RELN: variants seen among roughly 807,000 people sequenced by gnomAD.
RELN encodes the protein reelin.
Under a neutral mutation model 427.6 loss-of-function variants are expected in RELN, and 108 were observed. That is an observed-to-expected ratio of 0.25 (90% confidence interval 0.22 to 0.30). The LOEUF (loss-of-function observed/expected upper bound fraction) is 0.30, where lower values mean the gene tolerates loss of function less well. Among genes scored for constraint, RELN ranks in the 10% least tolerant of loss-of-function variants. The probability of loss-of-function intolerance (pLI) is 1.00; values close to 1 mark genes in which losing one functional copy is unlikely to be tolerated. For synonymous variants in RELN, 1,524 were observed against 1,513.4 expected (o/e 1.01, Z -0.16); for missense variants, 3,715 against 4,302.8 (o/e 0.86, Z 3.82).
chr7:103,743,056 C>T (rs1364018882), intron 6 of RELN, among the ~76,000 whole-genome samples: 1 of 149,490 alleles, frequency 6.7e-6, no homozygotes, highest in African/African-American at 2.6e-5. Context: ...AGACTAACAG[C>T]TGATCTCTCA....
intron 1 of RELN, among the ~76,000 whole-genome samples, chr7:103,959,882 G>A (rs1490906073): frequency 1.3e-5 from 2 of 152,114 alleles, no homozygotes; most frequent in Middle Eastern, 3.2e-3. Context: ...ATACAGGCAT[G>A]AGCCACTGCA....
chr7:103,916,811 A>T (rs1795491637), intron 2 of RELN, among the ~76,000 whole-genome samples: 1 of 152,138 alleles, frequency 6.6e-6, no homozygotes, highest in Admixed American at 6.6e-5. Context: ...AATTTACATG[A>T]ACCCCAGAGG....
chr7:103,895,355 C>T (rs1460534439), intron 2 of RELN, among the ~76,000 whole-genome samples: 1 of 152,028 alleles, frequency 6.6e-6, no homozygotes, highest in Non-Finnish European at 1.5e-5. Context: ...AATGGGGGCC[C>T]ATTAAAATTT....
At chr7:103,656,338 G>GAAAA (rs1562942829) in intron 12 of RELN, among the ~76,000 whole-genome samples, 2 of 152,076 alleles carry the variant, frequency 1.3e-5, no homozygotes, top group African/African-American at 4.8e-5. Flanking sequence ...AAGCAACCCA[G>GAAAA]GAAGTTGGCT....
chr7:103,653,957 A>G, intron 13 of RELN, 136 bp downstream of exon 13: 1 of 680,278 alleles, frequency 1.5e-6, no homozygotes, highest in Non-Finnish European at 2.7e-6. Flanking sequence ...TTTCACTTTT[A>G]AAGAAACCTG....
At chr7:103,741,932 A>C (rs1790672293) in intron 6 of RELN, among the ~76,000 whole-genome samples, 1 of 152,086 alleles carries the variant, frequency 6.6e-6, no homozygotes, top group Non-Finnish European at 1.5e-5. Context: ...TTCTCCCCGC[A>C]CGCAGCTTGA....
chr7:103,837,788 C>T (rs1376427960), intron 2 of RELN, among the ~76,000 whole-genome samples: 1 of 152,174 alleles, frequency 6.6e-6, no homozygotes, highest in Non-Finnish European at 1.5e-5. Flanking sequence ...TTGACCATCT[C>T]CCCAAGTTGT....
intron 11 of RELN, among the ~76,000 whole-genome samples, chr7:103,665,313 A>C (rs1417912352): frequency 6.6e-6 from 1 of 151,458 alleles, no homozygotes; most frequent in African/African-American, 2.4e-5. Context: ...TCCGTGTCCA[A>C]ACCAATTTAA....
intron 2 of RELN, among the ~76,000 whole-genome samples, chr7:103,902,006 T>C (rs559323129): frequency 6.6e-6 from 1 of 152,088 alleles, no homozygotes; most frequent in African/African-American, 2.4e-5. Context: ...TAATATATCA[T>C]GTAGCACTAA....
chr7:103,917,233 C>A (rs769517163), intron 1 of RELN, 48 bp from the exon 2 acceptor site: 1 of 1,343,410 alleles, frequency 7.4e-7, no homozygotes, highest in African/African-American at 1.4e-5. Flanking sequence ...GTCAGAATAA[C>A]ACAATATATT....
chr7:103,725,031 C>T (rs17154829), intron 7 of RELN, among the ~76,000 whole-genome samples: 30,530 of 151,970 alleles, frequency 0.2, 4,174 homozygotes, highest in African/African-American at 0.39. Context: ...AATATGGTAA[C>T]TATGAATGGC....
chr7:103,640,655 T>C lies in RELN; in HGVS notation c.2003-46A>G. The C allele has an allele frequency of 2.5e-6, 4 of 1,587,294 alleles. No homozygotes were observed. The highest frequency in any genetic ancestry group is 2.6e-6 in the Non-Finnish European group (3 of 1,158,044). ...ACATAATTACAAAAACATAGAACAC[T>C]ACCAGTACAATTTTGTGAAGTAATA... On this transcript the variant is annotated intron_variant, in intron 16 of 64. Coordinates refer to ENST00000428762, the MANE Select transcript of RELN (RefSeq NM_005045.4). The surrounding 1 kb of genome is among the most constrained non-coding windows in gnomAD (Gnocchi z 4.1).
rs181410241 is a variant in RELN, at chr7:103,637,065, A to G, written c.2070-597T>C. On this transcript the variant is annotated intron_variant, in intron 17 of 64. Coordinates refer to ENST00000428762, the MANE Select transcript of RELN (RefSeq NM_005045.4). ...CCAAATTAGTGGCACTTCAAGAAAA[A>G]CAAACCTTTCCCCACTCCCCAACAA... Among the ~76,000 whole-genome samples, 43 of 152,244 alleles carry G rather than the reference A, an allele frequency of 2.8e-4. No individual in the cohort carries two copies. The East Asian group carries it at 7.9e-3, about 28-fold the overall frequency.
intron 6 of RELN, among the ~76,000 whole-genome samples, chr7:103,742,641 C>T (rs556551919): frequency 1.5e-4 from 23 of 152,178 alleles, no homozygotes; most frequent in South Asian, 4.2e-4. Context: ...GTAGCCAATG[C>T]GATCAACTGG....
chr7:103,608,788 T>C (rs1049407931), intron 22 of RELN, among the ~76,000 whole-genome samples: 1 of 152,136 alleles, frequency 6.6e-6, no homozygotes, highest in Non-Finnish European at 1.5e-5. Context: ...AGCTAGAAAA[T>C]AATAATGTAG....
intron 2 of RELN, among the ~76,000 whole-genome samples, chr7:103,903,850 G>GT (rs113832977): frequency 0.3 from 45,184 of 150,246 alleles, 6,794 homozygotes; most frequent in East Asian, 0.42. Flanking sequence ...TTTTGTTTTT[G>GT]TTTTTTTTTA....
intron 2 of RELN, among the ~76,000 whole-genome samples, chr7:103,895,635 C>T (rs1794943842): frequency 1.3e-5 from 2 of 152,066 alleles, no homozygotes; most frequent in Middle Eastern, 3.4e-3. Flanking sequence ...CAGGCAGGCA[C>T]TGCTTAAAAA....
chr7:103,630,544 T>G (rs1832429707), intron 19 of RELN, among the ~76,000 whole-genome samples: 1 of 152,150 alleles, frequency 6.6e-6, no homozygotes, highest in Non-Finnish European at 1.5e-5. Flanking sequence ...GTGTGTGAGG[T>G]CATCTGCTGT....
At chr7:103,644,181 C>A (rs1426759851) in intron 16 of RELN, among the ~76,000 whole-genome samples, 1 of 151,572 alleles carries the variant, frequency 6.6e-6, no homozygotes, top group Non-Finnish European at 1.5e-5. Context: ...AAGGAAGCAG[C>A]AGAACAATTC....
Sources: allele counts gnomAD v4.1 joint callset (sites outside exome capture counted in the v4.1 genomes callset), GRCh38; gene constraint gnomAD v4.1.1; non-coding constraint Gnocchi (gnomAD v3.1); transcripts MANE v1.5; gene names NCBI Gene and HGNC (gene_info 2026-07-23, HGNC 2026-07-21).